ZNF143: variants seen among roughly 807,000 people sequenced by gnomAD.
The protein encoded by ZNF143 is SPH-binding factor.
Under a neutral mutation model 74.1 loss-of-function variants are expected in ZNF143, and 49 were observed. The observed-to-expected ratio is 0.66, with a 90% CI of 0.53 to 0.84. ZNF143 has a LOEUF of 0.84. Ranked by LOEUF, ZNF143 falls within the 40% of genes least tolerant of loss-of-function variation. The pLI is 0.00. For synonymous variants in ZNF143, 304 were observed against 282.8 expected, an observed-to-expected ratio of 1.07 and a Z score of -0.75; for missense variants, 637 against 793.4, an observed-to-expected ratio of 0.80 and a Z score of 2.37.
chr11:9,473,702 T>C, intron 3 of ZNF143: 1 of 1,308,466 alleles, frequency 7.6e-7, no homozygotes, highest in Non-Finnish European at 1.0e-6. Flanking sequence ...TGAGCCACTC[T>C]TCCTCTTGAC....
chr11:9,527,952 G>A lies in ZNF143; in HGVS notation c.*339G>A. Reference sequence around the variant, plus strand: ...TATGATGGATTTTTAACTTCCCGTGGAAAAAAAAATAAAGGCTGTATCTAA... The same window carrying A: ...TATGATGGATTTTTAACTTCCCGTGAAAAAAAAAATAAAGGCTGTATCTAA... On this transcript the variant is annotated 3_prime_UTR_variant, in exon 16 of 16. Coordinates refer to ENST00000396602, the MANE Select transcript of ZNF143 (RefSeq NM_003442.6). 1 of 163,532 alleles carries A rather than the reference G, an allele frequency of 6.1e-6. No individual in the cohort carries two copies. The highest frequency in any genetic ancestry group is 1.3e-5 in the Non-Finnish European group (1 of 76,856). 10.1% of individuals were successfully genotyped at this position (163,532 alleles called of 1,614,324 possible).
At chr11:9,503,158 GT>G (rs1482796082) in intron 11 of ZNF143, among the ~76,000 whole-genome samples, 1 of 152,154 alleles carries the variant, frequency 6.6e-6, no homozygotes, top group Non-Finnish European at 1.5e-5. Context: ...GTTCAACCAT[GT>G]TGTAGCAACT....
intron 7 of ZNF143, among the ~76,000 whole-genome samples, chr11:9,490,754 A>G (rs1847741918): frequency 6.6e-6 from 1 of 152,284 alleles, no homozygotes; most frequent in African/African-American, 2.4e-5. Flanking sequence ...TCTTTTTGAG[A>G]CAGGATCTCA....
At chr11:9,479,397 C>A in intron 6 of ZNF143, 75 bp from the exon 7 acceptor site, 1 of 1,213,150 alleles carries the variant, frequency 8.2e-7, no homozygotes, top group Non-Finnish European at 1.2e-6. Context: ...AAGCTTCTCC[C>A]TGAACCATGT....
chr11:9,466,924 CTCTG>C, intron 1 of ZNF143, among the ~76,000 whole-genome samples: 1 of 151,524 alleles, frequency 6.6e-6, no homozygotes, highest in African/African-American at 2.4e-5. Flanking sequence ...CACAGAGTCT[CTCTG>C]TGTCACCCAG....
At chr11:9,498,832 T>C (rs1435711459) in intron 10 of ZNF143, among the ~76,000 whole-genome samples, 1 of 152,246 alleles carries the variant, frequency 6.6e-6, no homozygotes, top group African/African-American at 2.4e-5. Context: ...ATAGTTTAGC[T>C]AATTTCCATG....
intron 12 of ZNF143, among the ~76,000 whole-genome samples, chr11:9,511,099 C>CTTTTT (rs1462806393): frequency 8.0e-6 from 1 of 124,888 alleles, no homozygotes; most frequent in Non-Finnish European, 1.7e-5. Flanking sequence ...CTTTTAACAG[C>CTTTTT]TTCTTTTTTT....
chr11:9,465,574 TC>T (rs1397910027), intron 1 of ZNF143, among the ~76,000 whole-genome samples: 1 of 149,242 alleles, frequency 6.7e-6, no homozygotes, highest in Non-Finnish European at 1.5e-5. Flanking sequence ...ATCTCGGCTC[TC>T]TGCAAGCTCT....
At chr11:9,479,588 TTTCTGTGCCC>T (rs770270010) in intron 7 of ZNF143, 42 bp downstream of exon 7, 2 of 1,536,934 alleles carry the variant, frequency 1.3e-6, no homozygotes, top group East Asian at 4.5e-5. Context: ...TAGCTTAGCA[TTTCTGTGCCC>T]TTCTGTGGAT....
At chr11:9,525,185 A>G (rs1849080393) in intron 14 of ZNF143, 55 bp from the exon 15 acceptor site, 5 of 1,603,220 alleles carry the variant, frequency 3.1e-6, no homozygotes, top group Non-Finnish European at 1.7e-6. Context: ...ACTTTAACCT[A>G]TTTAAATCGC....
intron 14 of ZNF143, among the ~76,000 whole-genome samples, chr11:9,521,483 G>A (rs1018581108): frequency 6.6e-6 from 1 of 151,848 alleles, no homozygotes; most frequent in Non-Finnish European, 1.5e-5. Context: ...GTGTAAGATT[G>A]GTATTATTTC....
In ZNF143 at chr11:9,476,746, C is replaced by CTTTTTTTTTTTTTTTTTT. The variant is rs869069237; in HGVS notation, c.374-1630_374-1613dup. ...TTGTTGTGAAGCCAAAGGGAGGAAT[C>CTTTTTTTTTTTTTTTTTT]TTTTTTTTTTTTTTTTTTTTTTTTT... On this transcript the variant is annotated intron_variant, in intron 5 of 15. Transcript: ENST00000396602. 1.1e-4 allele frequency among the ~76,000 whole-genome samples: 4 copies of CTTTTTTTTTTTTTTTTTT among 34,854 alleles called. 1 individual carries two copies. The highest frequency in any genetic ancestry group is 2.4e-3 in the South Asian group (1 of 420). The allele number at this position is 34,854 out of a possible 152,430, so 22.9% of individuals were successfully genotyped here.
Position 9,473,925 on chromosome 11 carries a change from G to C in ZNF143, c.206-16G>C, listed in dbSNP as rs748638157. 1.9e-6 allele frequency: 3 copies of C among 1,613,840 alleles called. No individual in the cohort carries two copies. The highest frequency in any genetic ancestry group is 4.5e-5 in the East Asian group (2 of 44,862). On this transcript the variant is annotated splice_polypyrimidine_tract_variant and intron_variant, in intron 3 of 15. Transcript: ENST00000396602. ...TTTGTTTGTGCCAATTTATTGTCTT[G>C]AATCTTTTGTTATAGATGCAAAACT...
At chr11:9,501,496 A>G (rs903769081) in intron 11 of ZNF143, among the ~76,000 whole-genome samples, 1 of 152,342 alleles carries the variant, frequency 6.6e-6, no homozygotes, top group East Asian at 1.9e-4. Flanking sequence ...GAGAGATAAG[A>G]CATTGTCAAG....
chr11:9,480,477 A>G (rs1436940397), intron 7 of ZNF143, among the ~76,000 whole-genome samples: 1 of 152,180 alleles, frequency 6.6e-6, no homozygotes, highest in Non-Finnish European at 1.5e-5. Context: ...AACCTTGAGC[A>G]TTAACATGAC....
rs185304844 is a variant in ZNF143, at chr11:9,468,410, G to A, written c.-7-2892G>A. On this transcript the variant is annotated intron_variant, in intron 1 of 15. Coordinates refer to ENST00000396602, the MANE Select transcript of ZNF143 (RefSeq NM_003442.6). The stretch of plus-strand genomic sequence containing the variant: ...TCCTATCTCTGTTGTCACTTCAAAG[G>A]TATCAGGCTCTACCTACCTGCCAGT... Among the ~76,000 whole-genome samples the A allele has an allele frequency of 3.0e-3, 462 of 152,254 alleles. 3 individuals are homozygous for A. The highest frequency in any genetic ancestry group is 0.011 in the African/African-American group (443 of 41,536).
At chr11:9,487,054 C>A (rs1422488691) in intron 7 of ZNF143, among the ~76,000 whole-genome samples, 1 of 148,744 alleles carries the variant, frequency 6.7e-6, no homozygotes, top group African/African-American at 2.5e-5. Flanking sequence ...GCTACCTCCA[C>A]CTCCCAGGTT....
chr11:9,467,408 A>T (rs1215334845), intron 1 of ZNF143, among the ~76,000 whole-genome samples: 1 of 150,078 alleles, frequency 6.7e-6, no homozygotes, highest in Non-Finnish European at 1.5e-5. Context: ...TGATTTTCTT[A>T]TATTTTTAGT....
rs770679871 is a variant in ZNF143, at chr11:9,494,713, G to A, written c.713G>A (p.Arg238Gln). ...KSQQSGEKAF[R>Q]CEYDGCGKLY... ...CAACAGAGTGGAGAGAAGGCATTTC[G>A]ATGTGAATATGATGGATGTGGAAAA... The change falls in exon 8 of 16, where the codon CGA becomes CAA. Residue 238 changes from arginine (R) to glutamine (Q), a missense_variant. By Grantham distance (43) the Arg-to-Gln change is conservative. Coordinates refer to ENST00000396602, the MANE Select transcript of ZNF143 (RefSeq NM_003442.6). The A allele has an allele frequency of 1.9e-6, 3 of 1,613,434 alleles. No individual in the cohort carries two copies. Among genetic ancestry groups the A allele is most frequent in the African/African-American group, 2.7e-5 (2 of 74,908 alleles).
Sources: allele counts gnomAD v4.1 joint callset (sites outside exome capture counted in the v4.1 genomes callset), GRCh38; gene constraint gnomAD v4.1.1; transcripts MANE v1.5; gene names NCBI Gene and HGNC (gene_info 2026-07-23, HGNC 2026-07-21).